Variants in EFCAB6 observed in about 807,000 individuals in gnomAD.
The protein encoded by EFCAB6 is EF-hand calcium-binding domain-containing protein 6.
EFCAB6 carries 156 observed loss-of-function variants against 169.8 expected under a neutral mutation model. The observed-to-expected ratio is 0.92, with a 90% CI of 0.81 to 1.05. The LOEUF is 1.05. EFCAB6 is among the 50% of genes least tolerant of loss of function. EFCAB6 has a pLI of 0.00. For missense variants in EFCAB6, 1,800 were observed against 1,829.1 expected (o/e 0.98, Z 0.29); for synonymous variants, 698 against 676.4 (o/e 1.03, Z -0.50).
rs1419067634 is a variant in EFCAB6, at chr22:43,784,622, C to T, written c.-7-2297G>A. 6.4e-4 allele frequency among the ~76,000 whole-genome samples: 44 copies of T among 68,316 alleles called. 5 individuals carry two copies. The highest frequency in any genetic ancestry group is 9.9e-4 in the Admixed American group (7 of 7,048). The allele number at this position is 68,316 out of a possible 152,430, so 44.8% of individuals were successfully genotyped here. ...ATACACATATATATGTGTATATATA[C>T]ACATATATATGTATATGTACACATA... On this transcript the variant is annotated intron_variant, in intron 2 of 31. Coordinates refer to ENST00000262726, the MANE Select transcript of EFCAB6 (RefSeq NM_022785.4).
chr22:43,663,681 G>A (rs2057112739), intron 17 of EFCAB6, among the ~76,000 whole-genome samples: 1 of 152,180 alleles, frequency 6.6e-6, no homozygotes, highest in East Asian at 1.9e-4. Flanking sequence ...AGTTTGTTAT[G>A]GACTGAATGT....
rs1308776044 is a variant in EFCAB6 at position 43,572,252 on chromosome 22, A to G, written c.3420+4045T>C. ...GATGCGAACTGGGCAGAACTAACCA[A>G]TGTTGCGGGAGGCAAGCTGACAGCA... On this transcript the variant is annotated intron_variant, in intron 26 of 31. Transcript: ENST00000262726. The surrounding 1 kb of genome is among the most constrained non-coding windows in gnomAD (Gnocchi z 4.0). 6.6e-6 allele frequency among the ~76,000 whole-genome samples: 1 copy of G among 152,158 alleles called. No homozygotes were observed. The highest frequency in any genetic ancestry group is 1.5e-5 in the Non-Finnish European group (1 of 68,014).
Position 43,667,084 on chromosome 22 carries a change from A to G in EFCAB6, c.1983+20T>C, listed in dbSNP as rs1277516901. ...CTGAACTTCTGCAGGATAGAAACAA[A>G]GAGAAACCCATTCTCCTACCTTCTT... On this transcript the variant is annotated intron_variant, in intron 17 of 31. Transcript: ENST00000262726. 1.2e-6 allele frequency: 2 copies of G among 1,607,146 alleles called. No homozygotes were observed. Among genetic ancestry groups the G allele is most frequent in the Non-Finnish European group, 1.7e-6 (2 of 1,176,670 alleles).
intron 17 of EFCAB6, among the ~76,000 whole-genome samples, chr22:43,639,036 C>T (rs973290732): frequency 5.3e-5 from 8 of 150,688 alleles, no homozygotes; most frequent in African/African-American, 1.7e-4. Flanking sequence ...CCGCCCACCT[C>T]GGCCTCCCAA....
At chr22:43,782,722 T>C (rs1056081484) in intron 2 of EFCAB6, among the ~76,000 whole-genome samples, 1 of 152,148 alleles carries the variant, frequency 6.6e-6, no homozygotes, top group Non-Finnish European at 1.5e-5. Flanking sequence ...GGAGCGAAAC[T>C]GGTGGAGTAA....
intron 22 of EFCAB6, among the ~76,000 whole-genome samples, chr22:43,604,240 T>C (rs1372530920): frequency 1.3e-5 from 2 of 152,184 alleles, no homozygotes; most frequent in Admixed American, 6.5e-5. Context: ...ACTAATATAG[T>C]GTCCAATTGC....
intron 4 of EFCAB6, among the ~76,000 whole-genome samples, chr22:43,765,637 T>C (rs1389980891): frequency 5.9e-5 from 9 of 152,052 alleles, no homozygotes; most frequent in African/African-American, 2.2e-4. Context: ...GAAAGTCGAG[T>C]TATCTACAAA....
intron 10 of EFCAB6, among the ~76,000 whole-genome samples, chr22:43,689,453 T>C (rs2058327573): frequency 6.6e-6 from 1 of 152,012 alleles, no homozygotes; most frequent in Non-Finnish European, 1.5e-5. Flanking sequence ...GCTTGCTTTC[T>C]CTCTTCCCAG....
intron 10 of EFCAB6, among the ~76,000 whole-genome samples, chr22:43,702,215 G>A (rs1351582427): frequency 6.6e-6 from 1 of 152,196 alleles, no homozygotes; most frequent in African/African-American, 2.4e-5. Flanking sequence ...ATGGCAATGT[G>A]AATCACTACT....
In EFCAB6 at chr22:43,795,100, A is replaced by T. The variant is rs1362160328; in HGVS notation, c.-7-12775T>A. Among the ~76,000 whole-genome samples, 1 of 152,096 alleles carries T rather than the reference A, an allele frequency of 6.6e-6. No homozygotes were observed. The highest frequency in any genetic ancestry group is 2.4e-5 in the African/African-American group (1 of 41,394). On this transcript the variant is annotated intron_variant, in intron 2 of 31. Transcript: ENST00000262726. This position sits in a 1 kb window ranked among gnomAD's most constrained non-coding sequence, Gnocchi z 4.2. ...ACAGTCTACCCTCACACACTGTAAG[A>T]CCCACCCCCACAAACCTAGAAATCA...
intron 6 of EFCAB6, among the ~76,000 whole-genome samples, chr22:43,751,738 CT>C (rs2060774331): frequency 1.3e-5 from 2 of 152,366 alleles, no homozygotes; most frequent in East Asian, 3.9e-4. Flanking sequence ...AGAAAGACTT[CT>C]CTCTGTGATG....
At chr22:43,589,280 CAAAAAAAAAAAA>C (rs1163346832) in intron 24 of EFCAB6, among the ~76,000 whole-genome samples, 87 of 80,868 alleles carry the variant, frequency 1.1e-3, no homozygotes, top group African/African-American at 1.4e-3. Context: ...GACTTCATGT[CAAAAAAAAAAAA>C]AAAAAAAAAA....
Position 43,537,390 on chromosome 22 carries a change from G to A in EFCAB6, c.4035C>T (p.Ala1345=). Residue 1345 remains alanine (A), a synonymous_variant, in exon 29 of 32, where the codon GCC becomes GCT. Coordinates refer to ENST00000262726, the MANE Select transcript of EFCAB6 (RefSeq NM_022785.4). The surrounding 1 kb of genome is among the most constrained non-coding windows in gnomAD (Gnocchi z 4.3). ...ATCTGAACGAACCCAGGAAATCGGAGGCGTTGATGTCCCCCTGTCTGGCCA... is the reference window on the plus strand; with the variant it reads ...ATCTGAACGAACCCAGGAAATCGGAAGCGTTGATGTCCCCCTGTCTGGCCA... The part of the protein sequence containing the change: ...KDVARQGDIN[A]SDFLALVEKF... 1 of 1,614,042 alleles carries A rather than the reference G, an allele frequency of 6.2e-7. No homozygotes were observed. Among genetic ancestry groups the A allele is most frequent in the South Asian group, 1.1e-5 (1 of 91,076 alleles).
chr22:43,793,316 G>A (rs968352684), intron 2 of EFCAB6, among the ~76,000 whole-genome samples: 1 of 152,178 alleles, frequency 6.6e-6, no homozygotes, highest in Non-Finnish European at 1.5e-5. Flanking sequence ...TACCAACTGC[G>A]GGATCATAAA....
At chr22:43,664,744 G>A (rs1017309766) in intron 17 of EFCAB6, among the ~76,000 whole-genome samples, 2 of 152,172 alleles carry the variant, frequency 1.3e-5, no homozygotes, top group African/African-American at 4.8e-5. Flanking sequence ...AGCAAGGGGA[G>A]GATGACCAGA....
chr22:43,711,466 G>C lies in EFCAB6; in HGVS notation c.1031+9C>G, dbSNP rs2059157247. 6.4e-7 allele frequency: 1 copy of C among 1,568,432 alleles called. No homozygotes were observed. Among genetic ancestry groups the C allele is most frequent in the African/African-American group, 1.4e-5 (1 of 72,224 alleles). On this transcript the variant is annotated intron_variant, in intron 10 of 31. Transcript: ENST00000262726. ...GAAAAAAATGTCAAGGAAACAATGAGACTCTTACCTTTTCATTAACTGGAT... is the reference window on the plus strand; with the variant it reads ...GAAAAAAATGTCAAGGAAACAATGACACTCTTACCTTTTCATTAACTGGAT...
chr22:43,737,379 C>T (rs2147690027), intron 6 of EFCAB6, among the ~76,000 whole-genome samples: 1 of 151,488 alleles, frequency 6.6e-6, no homozygotes, highest in East Asian at 1.9e-4. Context: ...CACACCATCA[C>T]TCACACATAT....
chr22:43,552,883 C>T (rs994839745), intron 27 of EFCAB6: 1 of 152,080 alleles, frequency 6.6e-6, no homozygotes, highest in African/African-American at 2.4e-5. Context: ...ATTTCAAAGG[C>T]TTATTTTCAT....
intron 5 of EFCAB6, among the ~76,000 whole-genome samples, chr22:43,760,470 T>C (rs1181085637): frequency 6.6e-6 from 1 of 152,194 alleles, no homozygotes; most frequent in African/African-American, 2.4e-5. Flanking sequence ...AGATAGGCAT[T>C]TCTTTTTATT....
Sources: gnomAD v4.1 joint callset for allele counts (sites outside exome capture counted in the v4.1 genomes callset) on GRCh38, gnomAD v4.1.1 for gene constraint, Gnocchi (gnomAD v3.1) non-coding constraint, MANE v1.5 for transcripts, NCBI Gene and HGNC (gene_info 2026-07-23, HGNC 2026-07-21) for gene names.